Variants in RPS6KC1 observed in about 807,000 individuals in gnomAD.
RPS6KC1 encodes the protein ribosomal protein S6 kinase C1.
A neutral mutation model predicts 103.8 loss-of-function variants in RPS6KC1; 54 were observed. The observed-to-expected ratio is 0.52, with a 90% CI of 0.42 to 0.65. The LOEUF (loss-of-function observed/expected upper bound fraction) is 0.65, where lower values mean the gene tolerates loss of function less well. Among genes scored for constraint, RPS6KC1 ranks in the 30% least tolerant of loss-of-function variants. RPS6KC1 has a pLI of 0.00. For synonymous variants in RPS6KC1, 439 were observed against 438.7 expected (o/e 1.00, Z -0.01); for missense variants, 1,151 against 1,253.8 (o/e 0.92, Z 1.24).
the RPS6KC1 span, among the ~76,000 whole-genome samples, chr1:213,445,880 A>AT: frequency 2.0e-5 from 3 of 152,088 alleles, no homozygotes; most frequent in Non-Finnish European, 2.9e-5. Context: ...GGCTTTCCTA[A>AT]TGGGAGGTGT....
chr1:213,382,695 A>T, the RPS6KC1 span, among the ~76,000 whole-genome samples: 14 of 152,156 alleles, frequency 9.2e-5, no homozygotes, highest in East Asian at 1.9e-3. Flanking sequence ...GTCAAGCCTG[A>T]GGTTTGAGTT....
chr1:213,826,477 C>T, the RPS6KC1 span, among the ~76,000 whole-genome samples: 2 of 152,106 alleles, frequency 1.3e-5, no homozygotes, highest in Non-Finnish European at 2.9e-5. Flanking sequence ...ACTATATAGA[C>T]TTGAGATTTT....
chr1:213,082,445 T>TA (rs201575690), intron 3 of RPS6KC1, among the ~76,000 whole-genome samples: 2,716 of 151,404 alleles, frequency 0.018, 38 homozygotes, highest in Non-Finnish European at 0.028. Context: ...AAATAAATAA[T>TA]AAAAAAAAGT....
intron 6 of RPS6KC1, among the ~76,000 whole-genome samples, chr1:213,167,228 G>A (rs1387043044): frequency 6.6e-6 from 1 of 152,154 alleles, no homozygotes; most frequent in Non-Finnish European, 1.5e-5. Flanking sequence ...GGTTAGTGAT[G>A]AGGGGAAGGG....
intron 9 of RPS6KC1, among the ~76,000 whole-genome samples, chr1:213,231,153 G>A (rs1024192801): frequency 5.9e-5 from 9 of 152,164 alleles, no homozygotes; most frequent in South Asian, 4.1e-4. Context: ...TGAATGTGTA[G>A]TGTGTTGTTT....
At chr1:213,451,965 G>A in the RPS6KC1 span, among the ~76,000 whole-genome samples, 525 of 152,330 alleles carry the variant, frequency 3.4e-3, 3 homozygotes, top group African/African-American at 0.012. Flanking sequence ...AGATGAACAA[G>A]TCTCTTTAAA....
At chr1:213,847,859 C>A in the RPS6KC1 span, among the ~76,000 whole-genome samples, 2 of 152,138 alleles carry the variant, frequency 1.3e-5, 1 homozygote, top group South Asian at 4.1e-4. Context: ...TTCCCAGTGT[C>A]CTATTTTTAC....
chr1:213,327,589 G>A, the RPS6KC1 span, among the ~76,000 whole-genome samples: 1 of 152,162 alleles, frequency 6.6e-6, no homozygotes, highest in Non-Finnish European at 1.5e-5. Context: ...GTGCGTGCGT[G>A]TGTGTGTGCA....
the RPS6KC1 span, among the ~76,000 whole-genome samples, chr1:213,604,221 C>G: frequency 6.6e-6 from 1 of 152,226 alleles, no homozygotes; most frequent in Non-Finnish European, 1.5e-5. Context: ...TTCTAACTAT[C>G]TACACCAAAC....
chr1:213,512,320 C>T, the RPS6KC1 span, among the ~76,000 whole-genome samples: 3 of 152,172 alleles, frequency 2.0e-5, no homozygotes, highest in African/African-American at 7.2e-5. Context: ...GAGAGAAAGC[C>T]TTCGGTAACT....
At chr1:213,587,603 G>A in the RPS6KC1 span, among the ~76,000 whole-genome samples, 1 of 152,286 alleles carries the variant, frequency 6.6e-6, no homozygotes, top group African/African-American at 2.4e-5. Context: ...TAATTAAATG[G>A]ATTTAAGGTA....
At chr1:213,366,509 G>A in the RPS6KC1 span, among the ~76,000 whole-genome samples, 1 of 152,340 alleles carries the variant, frequency 6.6e-6, no homozygotes, top group South Asian at 2.1e-4. Context: ...AATATTTTAG[G>A]CTTTGTGGGC....
At chr1:213,695,715 G>A in the RPS6KC1 span, among the ~76,000 whole-genome samples, 1 of 152,210 alleles carries the variant, frequency 6.6e-6, no homozygotes, top group African/African-American at 2.4e-5. Context: ...ACTCAGGATA[G>A]GTTGTTGCTG....
the RPS6KC1 span, among the ~76,000 whole-genome samples, chr1:213,699,138 C>T: frequency 0.45 from 68,941 of 151,884 alleles, 18,097 homozygotes; most frequent in East Asian, 0.66. Flanking sequence ...TATCAAACAT[C>T]GGGTCTTATA....
intron 5 of RPS6KC1, 58 bp downstream of exon 5, chr1:213,117,468 C>A: frequency 1.1e-6 from 1 of 928,664 alleles, no homozygotes; most frequent in South Asian, 1.5e-5. Flanking sequence ...GACTATAAAT[C>A]ATATCTGCAT....
At chr1:213,622,581 C>T in the RPS6KC1 span, among the ~76,000 whole-genome samples, 2 of 152,156 alleles carry the variant, frequency 1.3e-5, no homozygotes, top group African/African-American at 4.8e-5. Context: ...CTCACGACTC[C>T]TGAGCTGCCC....
chr1:213,383,100 T>C, the RPS6KC1 span, among the ~76,000 whole-genome samples: 1 of 152,104 alleles, frequency 6.6e-6, no homozygotes, highest in African/African-American at 2.4e-5. Context: ...CCAAGCTGGG[T>C]CGTGTGTCCT....
chr1:213,511,686 A>G, the RPS6KC1 span, among the ~76,000 whole-genome samples: 1 of 152,090 alleles, frequency 6.6e-6, no homozygotes, highest in South Asian at 2.1e-4. Context: ...TCCTCCAATA[A>G]ACTAGAGACT....
the RPS6KC1 span, among the ~76,000 whole-genome samples, chr1:213,771,371 G>C: frequency 6.6e-6 from 1 of 152,196 alleles, no homozygotes; most frequent in Non-Finnish European, 1.5e-5. Context: ...ACGGATGACA[G>C]AACCGCTCAG....
Sources: gnomAD v4.1 joint callset for allele counts (sites outside exome capture counted in the v4.1 genomes callset) on GRCh38, gnomAD v4.1.1 for gene constraint, MANE v1.5 for transcripts, NCBI Gene and HGNC (gene_info 2026-07-23, HGNC 2026-07-21) for gene names.